Variants in POU6F2 observed in about 807,000 individuals in gnomAD.
POU6F2 encodes the protein POU domain, class 6, transcription factor 2.
A neutral mutation model predicts 71.3 loss-of-function variants in POU6F2; 31 were observed. The ratio of observed to expected loss-of-function variants is 0.43; its 90% CI spans 0.33 to 0.59. The LOEUF is 0.59. Among genes scored for constraint, POU6F2 ranks in the 20% least tolerant of loss-of-function variants. The probability of loss-of-function intolerance (pLI) is 0.04; values close to 1 mark genes in which losing one functional copy is unlikely to be tolerated. For synonymous variants in POU6F2, 347 were observed against 355.7 expected (o/e 0.98, Z 0.27); for missense variants, 783 against 856.8 (o/e 0.91, Z 1.07).
At chr7:39,281,935 TC>T (rs956824776) in intron 4 of POU6F2, among the ~76,000 whole-genome samples, 5 of 152,172 alleles carry the variant, frequency 3.3e-5, no homozygotes, top group African/African-American at 4.8e-5. Context: ...GTATAAGAGT[TC>T]CCCTTTCTCC....
rs1791026337 is a variant in POU6F2, at chr7:39,077,566, G to A, written c.106-8294G>A. The stretch of plus-strand genomic sequence containing the variant: ...GTATAAGCATAGTTAAGAGGACGTG[G>A]CATTCATGGTGGGACTTGGAGAGGG... On this transcript the variant is annotated intron_variant, in intron 1 of 9. Coordinates refer to ENST00000518318, the MANE Select transcript of POU6F2 (RefSeq NM_001370959.1). Among the ~76,000 whole-genome samples the A allele has an allele frequency of 2.6e-5, 4 of 152,128 alleles. No homozygotes were observed. In the South Asian group the frequency reaches 8.3e-4, roughly 32 times the overall value.
At chr7:39,041,363 G>T (rs1167858047) in intron 1 of POU6F2, among the ~76,000 whole-genome samples, 2 of 151,980 alleles carry the variant, frequency 1.3e-5, no homozygotes, top group African/African-American at 4.8e-5. Flanking sequence ...ATTCTTAGAA[G>T]TGGAGGTTCG....
intron 2 of POU6F2, among the ~76,000 whole-genome samples, chr7:39,088,751 G>A (rs183329989): frequency 1.4e-4 from 21 of 152,172 alleles, no homozygotes; most frequent in Non-Finnish European, 2.5e-4. Context: ...CAGAGCTCAG[G>A]GTTTTTTTAT....
At chr7:39,130,781 G>T (rs151234669) in intron 2 of POU6F2, among the ~76,000 whole-genome samples, 31 of 152,184 alleles carry the variant, frequency 2.0e-4, no homozygotes, top group Admixed American at 7.8e-4. Flanking sequence ...GTAGAGTCTG[G>T]GTGGAATTGT....
chr7:39,399,217 C>T (rs1021718150), intron 5 of POU6F2, among the ~76,000 whole-genome samples: 20 of 152,278 alleles, frequency 1.3e-4, no homozygotes, highest in East Asian at 5.8e-4. Flanking sequence ...CTTCCCTTCT[C>T]TTCCCACCCA....
chr7:38,983,893 A>G (rs1385923342), intron 1 of POU6F2, among the ~76,000 whole-genome samples: 2 of 152,120 alleles, frequency 1.3e-5, no homozygotes, highest in African/African-American at 4.8e-5. Context: ...GTTTTAAAAC[A>G]CTTGTTTTTC....
chr7:39,299,569 G>C (rs1784914997), intron 4 of POU6F2, among the ~76,000 whole-genome samples: 1 of 152,194 alleles, frequency 6.6e-6, no homozygotes, highest in African/African-American at 2.4e-5. Flanking sequence ...TTGTAAATAG[G>C]TAATGAGGGG....
intron 2 of POU6F2, among the ~76,000 whole-genome samples, chr7:39,181,622 A>G (rs1410277267): frequency 1.3e-5 from 2 of 151,972 alleles, no homozygotes; most frequent in Non-Finnish European, 2.9e-5. Context: ...ATGGTCTCCA[A>G]CCTCTTCAAC....
intron 2 of POU6F2, among the ~76,000 whole-genome samples, chr7:39,185,208 C>T (rs940749818): frequency 4.7e-5 from 7 of 148,320 alleles, no homozygotes; most frequent in South Asian, 2.3e-4. Flanking sequence ...GGATGGGTGG[C>T]GGGATGGGGG....
intron 1 of POU6F2, among the ~76,000 whole-genome samples, chr7:39,043,143 G>A (rs1050010493): frequency 6.6e-6 from 1 of 151,858 alleles, no homozygotes; most frequent in African/African-American, 2.4e-5. Flanking sequence ...TTATATCATA[G>A]GAGTACAGTT....
chr7:39,422,564 A>G (rs1352733731), intron 6 of POU6F2, among the ~76,000 whole-genome samples: 2 of 152,220 alleles, frequency 1.3e-5, no homozygotes, highest in Admixed American at 6.5e-5. Flanking sequence ...GAGCTGTGCC[A>G]TTGTTTACAA....
At chr7:39,461,190 C>T (rs1164878625) in intron 9 of POU6F2, among the ~76,000 whole-genome samples, 3 of 152,172 alleles carry the variant, frequency 2.0e-5, no homozygotes, top group African/African-American at 7.2e-5. Context: ...AAGGTTTTAA[C>T]TTGCCTTCCC....
chr7:39,101,382 C>A (rs972198882), intron 2 of POU6F2, among the ~76,000 whole-genome samples: 19 of 151,824 alleles, frequency 1.3e-4, no homozygotes, highest in African/African-American at 4.6e-4. Flanking sequence ...GCTGTGTATT[C>A]TTTTCATAAT....
At position 39,339,661 on chromosome 7, in the gene POU6F2, C is replaced by G; in HGVS notation, c.618C>G (p.Ser206=). 6.3e-7 allele frequency: 1 copy of G among 1,597,120 alleles called. No individual in the cohort carries two copies. The highest frequency in any genetic ancestry group is 8.5e-7 in the Non-Finnish European group (1 of 1,176,454). The change falls in exon 5 of 10, where the codon TCC becomes TCG. Residue 206 remains serine, a synonymous_variant. Coordinates refer to ENST00000518318, the MANE Select transcript of POU6F2 (RefSeq NM_001370959.1). ...QNLQATSSLN[S]QLQQLQLQLQ... Reference sequence around the variant, plus strand: ...TTGTAGCTACCTCATCCCTGAACTCCCAGCTCCAGCAGCTCCAGCTCCAGC... The same window carrying G: ...TTGTAGCTACCTCATCCCTGAACTCGCAGCTCCAGCAGCTCCAGCTCCAGC...
At chr7:39,128,655 T>C (rs1792192791) in intron 2 of POU6F2, among the ~76,000 whole-genome samples, 1 of 152,186 alleles carries the variant, frequency 6.6e-6, no homozygotes, top group African/African-American at 2.4e-5. Flanking sequence ...CAGGATGAAA[T>C]TGGTGGTATT....
intron 5 of POU6F2, chr7:39,373,569 C>G: frequency 2.2e-6 from 1 of 456,180 alleles, no homozygotes; most frequent in Non-Finnish European, 4.4e-6. Context: ...ACCAAGCACA[C>G]AGAAAGTGGA....
intron 4 of POU6F2, among the ~76,000 whole-genome samples, chr7:39,267,709 A>T (rs1784274958): frequency 6.6e-6 from 1 of 151,704 alleles, no homozygotes; most frequent in African/African-American, 2.4e-5. Context: ...CGCTCAAGGG[A>T]TCCTCCCACT....
At chr7:39,049,183 A>G (rs573225912) in intron 1 of POU6F2, among the ~76,000 whole-genome samples, 1 of 150,678 alleles carries the variant, frequency 6.6e-6, no homozygotes, top group African/African-American at 2.4e-5. Context: ...GTTTTTTTCT[A>G]TTTCCTTGAT....
intron 1 of POU6F2, among the ~76,000 whole-genome samples, chr7:39,063,739 AAAAG>A (rs1790702908): frequency 6.6e-6 from 1 of 151,698 alleles, no homozygotes; most frequent in East Asian, 1.9e-4. Context: ...TTAAATGACA[AAAAG>A]AAACAATAAT....
Sources: allele counts gnomAD v4.1 joint callset (sites outside exome capture counted in the v4.1 genomes callset), GRCh38; gene constraint gnomAD v4.1.1; transcripts MANE v1.5; gene names NCBI Gene and HGNC (gene_info 2026-07-23, HGNC 2026-07-21).